The following TLK1 variants were observed in gnomAD, a reference collection of about 807,000 sequenced individuals.
The protein encoded by TLK1 is serine/threonine-protein kinase tousled-like 1.
A neutral mutation model predicts 105.3 loss-of-function variants in TLK1; 24 were observed. That is an observed-to-expected ratio of 0.23 (90% CI 0.17 to 0.32). TLK1 has a LOEUF of 0.32. TLK1 is among the 10% of genes least tolerant of loss of function. The probability of loss-of-function intolerance (pLI) is 1.00; values close to 1 mark genes in which losing one functional copy is unlikely to be tolerated. For synonymous variants in TLK1, 321 were observed against 310.4 expected (o/e 1.03, Z -0.36); for missense variants, 558 against 910.5 (o/e 0.61, Z 4.98).
At chr2:171,003,765 C>T (rs554365204) in intron 18 of TLK1, among the ~76,000 whole-genome samples, 2 of 152,258 alleles carry the variant, frequency 1.3e-5, no homozygotes, top group South Asian at 2.1e-4. Context: ...TTATTTAATT[C>T]GGCATCTTTA....
intron 10 of TLK1, among the ~76,000 whole-genome samples, chr2:171,048,325 A>G (rs1575550394): frequency 6.6e-6 from 1 of 152,370 alleles, no homozygotes; most frequent in African/African-American, 2.4e-5. Context: ...TATTAATTAT[A>G]TAACTGTCTC....
intron 2 of TLK1, among the ~76,000 whole-genome samples, chr2:171,116,488 G>A (rs535660123): frequency 1.3e-5 from 2 of 152,186 alleles, no homozygotes; most frequent in African/African-American, 4.8e-5. Flanking sequence ...ATCACCTGAG[G>A]TCAGGAGTTC....
intron 1 of TLK1, among the ~76,000 whole-genome samples, chr2:171,122,366 T>TGCTACTTAAACTACAGTGCATGA (rs1211695775): frequency 2.0e-5 from 3 of 152,198 alleles, no homozygotes; most frequent in African/African-American, 4.8e-5. Flanking sequence ...AGTAGAGCCT[T>TGCTACTTAAACTACAGTGCATGA]GCTACTTAAA....
chr2:171,163,997 G>GT (rs896572528), upstream of TLK1, among the ~76,000 whole-genome samples: 1 of 152,102 alleles, frequency 6.6e-6, no homozygotes, highest in African/African-American at 2.4e-5. Flanking sequence ...AAGTGCTAGG[G>GT]TTACAGGCAT....
chr2:171,220,725 T>C (rs184301859), intron 1 of TLK1, among the ~76,000 whole-genome samples: 77 of 152,206 alleles, frequency 5.1e-4, no homozygotes, highest in Non-Finnish European at 8.8e-4. Context: ...GTTTGTTTTT[T>C]TTTTTGAGTC....
intron 1 of TLK1, among the ~76,000 whole-genome samples, chr2:171,207,212 TA>T (rs772132151): frequency 2.0e-4 from 31 of 152,150 alleles, no homozygotes; most frequent in Non-Finnish European, 4.1e-4. Context: ...TCTTCAGAAC[TA>T]AAAATAAATG....
chr2:171,028,191 C>T, intron 12 of TLK1, 148 bp downstream of exon 12: 2 of 641,284 alleles, frequency 3.1e-6, no homozygotes, highest in East Asian at 2.8e-5. Flanking sequence ...AATAAAGTAA[C>T]TTTAATGCAT....
intron 20 of TLK1, 87 bp from the exon 21 acceptor site, chr2:170,994,043 A>G (rs2105346726): frequency 7.3e-7 from 1 of 1,368,950 alleles, no homozygotes; most frequent in Non-Finnish European, 9.7e-7. Context: ...GGATGGACAC[A>G]TTTAAGACAT....
At chr2:171,212,378 C>T (rs1460209607) in intron 1 of TLK1, among the ~76,000 whole-genome samples, 1 of 150,974 alleles carries the variant, frequency 6.6e-6, no homozygotes, top group Non-Finnish European at 1.5e-5. Context: ...CCAATTTTCC[C>T]AACATCTGTT....
At chr2:171,053,062 C>A (rs1411104363) in intron 8 of TLK1, among the ~76,000 whole-genome samples, 1 of 152,150 alleles carries the variant, frequency 6.6e-6, no homozygotes, top group Admixed American at 6.6e-5. Flanking sequence ...CCCTTACATT[C>A]TTAAGTATAC....
rs1684674779 is a variant in TLK1, at chr2:171,006,850, A to C, written c.1548T>G (p.Asp516Glu). The C allele has an allele frequency of 6.2e-7, 1 of 1,613,224 alleles. No individual in the cohort carries two copies. Among genetic ancestry groups the C allele is most frequent in the Non-Finnish European group, 8.5e-7 (1 of 1,179,460 alleles). Residue 516 changes from aspartate (D) to glutamate (E), a missense_variant, in exon 16 of 21, where the codon GAT becomes GAG. This residue lies in a region of TLK1 where 218 missense variants were observed against 492.9 expected (regional missense o/e 0.44). Coordinates refer to ENST00000431350, the MANE Select transcript of TLK1 (RefSeq NM_012290.5). ...CREYRIHKEL[D>E]HPRIVKLYDY... ...CATAGAGTTTAACTATTCTGGGGTG[A>C]TCCAGTTCTTTGTGTATTCTATACT...
intron 18 of TLK1, among the ~76,000 whole-genome samples, chr2:170,999,345 C>A (rs919065188): frequency 1.3e-5 from 2 of 152,068 alleles, no homozygotes; most frequent in African/African-American, 4.8e-5. Flanking sequence ...GCAAAGATAA[C>A]CAATAACTCA....
intron 1 of TLK1, among the ~76,000 whole-genome samples, chr2:171,167,544 A>G (rs1389184520): frequency 3.3e-5 from 5 of 152,196 alleles, no homozygotes; most frequent in African/African-American, 7.2e-5. Context: ...CACTGCTTGA[A>G]AGTTTTGGTT....
At chr2:171,228,990 G>A (rs1441573604) in intron 1 of TLK1, among the ~76,000 whole-genome samples, 1 of 152,220 alleles carries the variant, frequency 6.6e-6, no homozygotes, top group African/African-American at 2.4e-5. Context: ...TTAGATTCAT[G>A]CACTTGGGAA....
intron 1 of TLK1, among the ~76,000 whole-genome samples, chr2:171,228,273 T>C (rs1480995506): frequency 1.3e-5 from 2 of 152,194 alleles, no homozygotes; most frequent in African/African-American, 4.8e-5. Context: ...GTATTTAATA[T>C]TCACAACCTG....
At chr2:171,195,670 T>C (rs559956153) in intron 1 of TLK1, among the ~76,000 whole-genome samples, 3 of 152,332 alleles carry the variant, frequency 2.0e-5, no homozygotes, top group South Asian at 2.1e-4. Context: ...TATTGTCTTC[T>C]TACATCTCAT....
intron 1 of TLK1, among the ~76,000 whole-genome samples, chr2:171,206,548 C>T (rs184087407): frequency 3.3e-5 from 5 of 152,122 alleles, no homozygotes; most frequent in African/African-American, 7.2e-5. Flanking sequence ...AAGGCATATA[C>T]GGGTTCCAAC....
At chr2:171,129,461 A>G (rs1322668037) in intron 1 of TLK1, among the ~76,000 whole-genome samples, 1 of 152,190 alleles carries the variant, frequency 6.6e-6, no homozygotes, top group African/African-American at 2.4e-5. Flanking sequence ...ATCCCTGACC[A>G]AAAAGGAGGC....
At chr2:171,018,126 G>C (rs1259567452) in intron 12 of TLK1, among the ~76,000 whole-genome samples, 1 of 152,202 alleles carries the variant, frequency 6.6e-6, no homozygotes, top group Non-Finnish European at 1.5e-5. Flanking sequence ...GGTTGGATTA[G>C]GTTATGGAGC....
Sources: gnomAD v4.1 joint callset for allele counts (sites outside exome capture counted in the v4.1 genomes callset) on GRCh38, gnomAD v4.1.1 for gene constraint, gnomAD v4.1.1 regional missense constraint, MANE v1.5 for transcripts, NCBI Gene and HGNC (gene_info 2026-07-23, HGNC 2026-07-21) for gene names.